Variants in HTR2C observed in about 807,000 individuals in gnomAD.
The protein encoded by HTR2C is 5-hydroxytryptamine receptor 2C.
A neutral mutation model predicts 21.0 loss-of-function variants in HTR2C; 5 were observed. The ratio of observed to expected loss-of-function variants is 0.24; its 90% CI spans 0.12 to 0.50. The LOEUF is 0.50. Among genes scored for constraint, HTR2C ranks in the 20% least tolerant of loss-of-function variants. The pLI, the probability that HTR2C is intolerant of heterozygous loss-of-function variation, is 0.98. For missense variants in HTR2C, 271 were observed against 371.2 expected (o/e 0.73, Z 2.22); for synonymous variants, 150 against 145.3 (o/e 1.03, Z -0.23).
At chrX:114,797,437 G>C (rs191541111) in intron 4 of HTR2C, among the ~76,000 whole-genome samples, 1 of 109,951 alleles carries the variant, frequency 9.1e-6, no homozygotes, top group Non-Finnish European at 1.9e-5. Context: ...TTTAATATAG[G>C]GTTTTCTAAT....
chrX:114,605,673 A>G (rs1009451157), intron 1 of HTR2C, among the ~76,000 whole-genome samples: 2 of 111,257 alleles, frequency 1.8e-5, no homozygotes, highest in Non-Finnish European at 3.8e-5. Flanking sequence ...ATTGCAGAAG[A>G]AAATAAGGCA....
At chrX:114,795,518 A>G (rs2070283302) in intron 4 of HTR2C, among the ~76,000 whole-genome samples, 1 of 111,544 alleles carries the variant, frequency 9.0e-6, no homozygotes, top group Non-Finnish European at 1.9e-5. Flanking sequence ...TAAGTCTTTA[A>G]TCTATCTTGA....
intron 2 of HTR2C, among the ~76,000 whole-genome samples, chrX:114,648,349 A>C (rs1371720590): frequency 9.0e-6 from 1 of 111,308 alleles, no homozygotes; most frequent in Non-Finnish European, 1.9e-5. Flanking sequence ...CTTAAATGTC[A>C]AGGTGCCATG....
chrX:114,849,106 G>C (rs186707603), intron 5 of HTR2C, among the ~76,000 whole-genome samples: 4,023 of 111,932 alleles, frequency 0.036, 186 homozygotes, highest in African/African-American at 0.12. Context: ...TTCTATTGTA[G>C]ATTGTTCTGC....
rs190377876 is a variant in HTR2C at position 114,685,377 on chromosome X, T to C, written c.-79-41481T>C. 2.3e-3 allele frequency among the ~76,000 whole-genome samples: 258 copies of C among 112,211 alleles called. 1 individual carries two copies. Among genetic ancestry groups the C allele is most frequent in the Admixed American group, 4.9e-3 (52 of 10,533 alleles). Reference sequence around the variant, plus strand: ...TTCTTGTTTCACACCTTCAGTGGTATGGAGACTGTCAGTAAAACTATCTCT... The same window carrying C: ...TTCTTGTTTCACACCTTCAGTGGTACGGAGACTGTCAGTAAAACTATCTCT... On this transcript the variant is annotated intron_variant, in intron 2 of 5. Coordinates refer to ENST00000276198, the MANE Select transcript of HTR2C (RefSeq NM_000868.4).
chrX:114,682,408 A>AT (rs1556413636), intron 2 of HTR2C, among the ~76,000 whole-genome samples: 1 of 111,365 alleles, frequency 9.0e-6, no homozygotes, highest in African/African-American at 3.3e-5. Flanking sequence ...TGGACTACTT[A>AT]TTATCTATAA....
At chrX:114,764,909 TTCTTTCTTTCTTTCTTTTCC>T (rs1161326882) in intron 4 of HTR2C, among the ~76,000 whole-genome samples, 4 of 71,409 alleles carry the variant, frequency 5.6e-5, no homozygotes, top group African/African-American at 1.8e-4. Context: ...CTTTCTTTCT[TTCTTTCTTTCTTTCTTTTCC>T]TTCCTTCCTT....
intron 2 of HTR2C, among the ~76,000 whole-genome samples, chrX:114,703,537 A>G (rs1377455241): frequency 9.0e-6 from 1 of 111,706 alleles, no homozygotes; most frequent in Non-Finnish European, 1.9e-5. Flanking sequence ...AACATACCAG[A>G]ATCTCTGGGA....
intron 5 of HTR2C, among the ~76,000 whole-genome samples, chrX:114,883,437 T>C (rs1602912389): frequency 9.0e-6 from 1 of 110,618 alleles, no homozygotes; most frequent in African/African-American, 3.3e-5. Flanking sequence ...TCTGCTCTAA[T>C]CTTTACAAGT....
chrX:114,611,847 G>A (rs1449175312), intron 1 of HTR2C, among the ~76,000 whole-genome samples: 2 of 110,822 alleles, frequency 1.8e-5, no homozygotes, highest in Non-Finnish European at 3.8e-5. Flanking sequence ...ATAGGCGCCC[G>A]CCACCACGCC....
chrX:114,698,034 T>C (rs1932330889), intron 2 of HTR2C, among the ~76,000 whole-genome samples: 1 of 111,875 alleles, frequency 8.9e-6, no homozygotes, highest in Non-Finnish European at 1.9e-5. Context: ...AGGACTGAGG[T>C]CCCTGCTTCC....
chrX:114,710,847 C>T (rs1219696751), intron 2 of HTR2C, among the ~76,000 whole-genome samples: 1 of 111,155 alleles, frequency 9.0e-6, no homozygotes, highest in East Asian at 2.8e-4. Context: ...TCTCTACTGC[C>T]AGAATGCAAG....
chrX:114,749,135 A>AC (rs1556427094), intron 4 of HTR2C, among the ~76,000 whole-genome samples: 16 of 109,050 alleles, frequency 1.5e-4, no homozygotes, highest in South Asian at 3.9e-4. Context: ...TCAAAAAAAA[A>AC]CCACACAAAA....
chrX:114,764,591 T>G (rs1280128828), intron 4 of HTR2C, among the ~76,000 whole-genome samples: 1 of 111,736 alleles, frequency 8.9e-6, no homozygotes, highest in African/African-American at 3.3e-5. Context: ...GGCCAACACT[T>G]GAGTTTTTGC....
chrX:114,640,798 A>G (rs782340539), intron 2 of HTR2C, among the ~76,000 whole-genome samples: 2 of 110,834 alleles, frequency 1.8e-5, no homozygotes, highest in Non-Finnish European at 3.8e-5. Context: ...CAAAAGTAGG[A>G]CCTTTCTATC....
intron 2 of HTR2C, among the ~76,000 whole-genome samples, chrX:114,705,897 G>A: frequency 1.6e-5 from 1 of 61,983 alleles, no homozygotes; most frequent in Non-Finnish European, 3.2e-5. Context: ...AGTGGGCGAA[G>A]GACATGAACA....
chrX:114,705,528 T>C (rs868939893), intron 2 of HTR2C, among the ~76,000 whole-genome samples: 129 of 108,540 alleles, frequency 1.2e-3, no homozygotes, highest in African/African-American at 3.9e-3. Flanking sequence ...AAACTGGATC[T>C]CTTCCTTACA....
At chrX:114,620,533 A>T (rs1556401451) in intron 2 of HTR2C, among the ~76,000 whole-genome samples, 2 of 111,474 alleles carry the variant, frequency 1.8e-5, no homozygotes, top group African/African-American at 3.3e-5. Context: ...ATATGACTAT[A>T]TGGAATATAT....
intron 2 of HTR2C, among the ~76,000 whole-genome samples, chrX:114,668,649 A>G (rs1455948084): frequency 9.0e-6 from 1 of 111,350 alleles, no homozygotes; most frequent in Non-Finnish European, 1.9e-5. Context: ...ATCCTCTTGC[A>G]TATTCTTTAA....
Sources: allele counts gnomAD v4.1 joint callset (sites outside exome capture counted in the v4.1 genomes callset), GRCh38; gene constraint gnomAD v4.1.1; transcripts MANE v1.5; gene names NCBI Gene and HGNC (gene_info 2026-07-23, HGNC 2026-07-21).